IFT80: variants seen among roughly 807,000 people sequenced by gnomAD.
IFT80 encodes intraflagellar transport protein 80 homolog.
IFT80 carries 79 observed loss-of-function variants against 107.9 expected under a neutral mutation model. The observed-to-expected ratio is 0.73, with a 90% CI of 0.61 to 0.88. The LOEUF (loss-of-function observed/expected upper bound fraction) is 0.88. Among genes scored for constraint, IFT80 ranks in the 40% least tolerant of loss-of-function variants. IFT80 has a pLI of 0.00. For synonymous variants in IFT80, 299 were observed against 300.9 expected, an observed-to-expected ratio of 0.99 and a Z score of 0.07; for missense variants, 797 against 914.2, an observed-to-expected ratio of 0.87 and a Z score of 1.65.
chr3:160,331,648 C>T (rs1010323335), intron 8 of IFT80, among the ~76,000 whole-genome samples: 1 of 146,066 alleles, frequency 6.8e-6, no homozygotes, highest in Non-Finnish European at 1.5e-5. Context: ...GTTCTCTTTC[C>T]ACATCTTTTT....
rs141991012 is a variant in IFT80, at chr3:160,324,302, C to T, written c.778-4363G>A. Reference sequence around the variant, plus strand: ...TATGAGGCCAGCATCATCCTAATACCGAAGCCGGGTGGAGACACAACCAAA... The same window carrying T: ...TATGAGGCCAGCATCATCCTAATACTGAAGCCGGGTGGAGACACAACCAAA... On this transcript the variant is annotated intron_variant, in intron 8 of 19. Coordinates refer to ENST00000326448, the MANE Select transcript of IFT80 (RefSeq NM_020800.3). Among the ~76,000 whole-genome samples, 6 of 152,216 alleles carry T rather than the reference C, an allele frequency of 3.9e-5. 1 individual carries two copies. The South Asian group carries it at 6.2e-4, about 16-fold the overall frequency.
In IFT80 at chr3:160,277,205, G is replaced by A. The variant is rs547056327; in HGVS notation, c.2099+101C>T. On this transcript the variant is annotated intron_variant, in intron 18 of 19. Coordinates refer to ENST00000326448, the MANE Select transcript of IFT80 (RefSeq NM_020800.3). Reference sequence around the variant, plus strand: ...TGAATAAATTCTTCTGTGGTGTTAAGAAACTAAAATATAGTGGAAAATGTA... The same window carrying A: ...TGAATAAATTCTTCTGTGGTGTTAAAAAACTAAAATATAGTGGAAAATGTA... 60 of 1,010,154 alleles carry A rather than the reference G, an allele frequency of 5.9e-5. No homozygotes were observed. In the African/African-American group the frequency reaches 7.4e-4, roughly 12 times the overall value. The allele number at this position is 1,010,154 out of a possible 1,614,324, so 62.6% of individuals were successfully genotyped here.
chr3:160,375,770 T>C (rs773326504), intron 5 of IFT80, 42 bp downstream of exon 5: 2 of 1,337,598 alleles, frequency 1.5e-6, no homozygotes, highest in Non-Finnish European at 2.1e-6. Context: ...ATTTTTGTAT[T>C]GTATAATTTG....
At chr3:160,286,354 T>A (rs898815240) in intron 12 of IFT80, among the ~76,000 whole-genome samples, 8 of 152,178 alleles carry the variant, frequency 5.3e-5, no homozygotes, top group Non-Finnish European at 8.8e-5. Flanking sequence ...GTGCAGATGG[T>A]TAAAAGCCAC....
intron 9 of IFT80, among the ~76,000 whole-genome samples, chr3:160,312,979 TATAATAA>T (rs1475041119): frequency 8.4e-5 from 6 of 71,064 alleles, no homozygotes; most frequent in Non-Finnish European, 1.5e-4. Context: ...ATATATAATA[TATAATAA>T]ATATATATTA....
intron 8 of IFT80, among the ~76,000 whole-genome samples, chr3:160,351,594 A>C (rs929315320): frequency 6.1e-5 from 9 of 147,422 alleles, no homozygotes; most frequent in Non-Finnish European, 1.0e-4. Flanking sequence ...ATGTATATAT[A>C]ATATATATAT....
chr3:160,267,722 C>A (rs902940436), intron 19 of IFT80, among the ~76,000 whole-genome samples: 5 of 152,068 alleles, frequency 3.3e-5, no homozygotes, highest in Non-Finnish European at 7.4e-5. Flanking sequence ...GGAATGACTT[C>A]CTTCTTTTTA....
chr3:160,318,108 T>C (rs1717948861), intron 9 of IFT80, among the ~76,000 whole-genome samples: 1 of 151,722 alleles, frequency 6.6e-6, no homozygotes, highest in African/African-American at 2.4e-5. Context: ...GGAAAGTAGA[T>C]AGGACATGGA....
At chr3:160,381,449 C>G in intron 3 of IFT80, 54 bp downstream of exon 3, 1 of 1,301,882 alleles carries the variant, frequency 7.7e-7, no homozygotes. Context: ...ATAAATCATA[C>G]TATTAAGTCT....
At chr3:160,279,710 T>C (rs1714541792) in intron 15 of IFT80, among the ~76,000 whole-genome samples, 1 of 152,236 alleles carries the variant, frequency 6.6e-6, no homozygotes, top group Non-Finnish European at 1.5e-5. Context: ...ATAATTTATA[T>C]AGCTTTAGCT....
intron 16 of IFT80, among the ~76,000 whole-genome samples, chr3:160,278,790 A>T (rs555509635): frequency 1.3e-5 from 2 of 152,304 alleles, no homozygotes; most frequent in East Asian, 3.9e-4. Context: ...ACTAGATTCA[A>T]CCAAGTTGGA....
intron 8 of IFT80, among the ~76,000 whole-genome samples, chr3:160,328,789 G>T (rs1576817714): frequency 6.6e-6 from 1 of 152,180 alleles, no homozygotes; most frequent in Non-Finnish European, 1.5e-5. Context: ...TATATGCCAT[G>T]AAATACTATG....
chr3:160,277,440 A>G lies in IFT80; in HGVS notation c.1965T>C (p.Leu655=). ...GGGCCATTTTTGATTCTTTAGATGG[A>G]AGATTTTTTATAGAATTGATGTACT... ...KVQYINSIKN[L]PSKESKMAHI... is the part of the protein sequence containing the mutation. Residue 655 remains leucine (L), a synonymous_variant, in exon 18 of 20, where the codon CTT becomes CTC. Transcript: ENST00000326448. 1 of 1,610,658 alleles carries G rather than the reference A, an allele frequency of 6.2e-7. No homozygotes were observed. The highest frequency in any genetic ancestry group is 8.5e-7 in the Non-Finnish European group (1 of 1,177,048).
intron 19 of IFT80, among the ~76,000 whole-genome samples, chr3:160,264,845 T>C (rs554688605): frequency 6.6e-6 from 1 of 152,268 alleles, no homozygotes. Flanking sequence ...CCATTGCTTT[T>C]ACTCTTTCCT....
chr3:160,383,972 C>T (rs777863606), intron 2 of IFT80: 64 of 984,894 alleles, frequency 6.5e-5, no homozygotes, highest in Non-Finnish European at 7.2e-5. Context: ...TGGCCAGGCG[C>T]GGTGGCTCAT....
At chr3:160,319,366 T>C (rs1718040197) in intron 9 of IFT80, among the ~76,000 whole-genome samples, 1 of 152,020 alleles carries the variant, frequency 6.6e-6, no homozygotes, top group Non-Finnish European at 1.5e-5. Flanking sequence ...AATAAGTTCA[T>C]CCAATTACAA....
rs1472286018 is a variant in IFT80 at position 160,366,125 on chromosome 3, C to T, written c.467G>A (p.Gly156Asp). Residue 156 changes from glycine (G) to aspartate (D), a missense_variant, in exon 6 of 20, where the codon GGC (glycine) becomes GAC (aspartate). Gly to Asp is a moderately conservative substitution (Grantham distance 94). Transcript: ENST00000326448. ...QGTPVYSVAW[G>D]PDSEKVLYTA... ...ATAAAGAACCTTTTCTGAATCAGGG[C>T]CCCACGCTACTGAATACACTGGTGT... The T allele has an allele frequency of 6.2e-7, 1 of 1,612,024 alleles. No homozygotes were observed. Among genetic ancestry groups the T allele is most frequent in the Admixed American group, 1.7e-5 (1 of 59,886 alleles).
Position 160,375,886 on chromosome 3 carries a change from C to G in IFT80, c.371-6G>C, listed in dbSNP as rs1334056609. 6.3e-7 allele frequency: 1 copy of G among 1,584,076 alleles called. No individual in the cohort carries two copies. Among genetic ancestry groups the G allele is most frequent in the Non-Finnish European group, 8.7e-7 (1 of 1,155,146 alleles). ...TATTTGTCCATCTTCTCCAACTATA[C>G]AGGGAAAAAAAAATTAATCAGTATT... On this transcript the variant is annotated splice_polypyrimidine_tract_variant and splice_region_variant and intron_variant, in intron 4 of 19. Transcript: ENST00000326448.
At chr3:160,367,698 T>TA (rs1264954673) in intron 5 of IFT80, among the ~76,000 whole-genome samples, 4 of 152,086 alleles carry the variant, frequency 2.6e-5, no homozygotes, top group African/African-American at 9.7e-5. Context: ...TTACACTTGA[T>TA]AGTGTTTTCA....
Sources: allele counts gnomAD v4.1 joint callset (sites outside exome capture counted in the v4.1 genomes callset), GRCh38; gene constraint gnomAD v4.1.1; transcripts MANE v1.5; gene names NCBI Gene and HGNC (gene_info 2026-07-23, HGNC 2026-07-21).